MAGI2: variants seen among roughly 807,000 people sequenced by gnomAD.
The protein encoded by MAGI2 is membrane-associated guanylate kinase, WW and PDZ domain-containing protein 2.
Under a neutral mutation model 133.3 loss-of-function variants are expected in MAGI2, and 35 were observed. The ratio of observed to expected loss-of-function variants is 0.26; its 90% confidence interval spans 0.20 to 0.35. The LOEUF (loss-of-function observed/expected upper bound fraction) is 0.35, where lower values mean the gene tolerates loss of function less well. Among genes scored for constraint, MAGI2 ranks in the 10% least tolerant of loss-of-function variants. The pLI, the probability that MAGI2 is intolerant of heterozygous loss-of-function variation, is 1.00. For synonymous variants in MAGI2, 729 were observed against 710.6 expected (o/e 1.03, Z -0.41); for missense variants, 1,636 against 1,863.4 (o/e 0.88, Z 2.25).
chr7:78,412,082 C>T (rs192600704), intron 6 of MAGI2, among the ~76,000 whole-genome samples: 34 of 152,042 alleles, frequency 2.2e-4, no homozygotes, highest in African/African-American at 9.6e-5. Context: ...ATATGTTTAT[C>T]GCTTTCAAGT....
intron 20 of MAGI2, among the ~76,000 whole-genome samples, chr7:78,085,202 C>T (rs1260250385): frequency 6.6e-6 from 1 of 152,088 alleles, no homozygotes; most frequent in Non-Finnish European, 1.5e-5. Flanking sequence ...GTCTGAGACT[C>T]TCTTTATGCT....
intron 3 of MAGI2, among the ~76,000 whole-genome samples, chr7:78,553,104 A>AAC (rs1554471561): frequency 6.6e-6 from 1 of 151,600 alleles, no homozygotes; most frequent in African/African-American, 2.4e-5. Flanking sequence ...TAAAAAAAAA[A>AAC]AAAACAAACA....
intron 1 of MAGI2, among the ~76,000 whole-genome samples, chr7:79,039,462 G>A (rs1199726407): frequency 6.6e-6 from 1 of 151,818 alleles, no homozygotes; most frequent in Non-Finnish European, 1.5e-5. Context: ...TCTTCTGGAA[G>A]TGTTATTGCT....
intron 6 of MAGI2, chr7:78,456,931 A>G (rs1482630681): frequency 6.6e-6 from 1 of 152,230 alleles, no homozygotes; most frequent in East Asian, 1.9e-4. Context: ...TACAGGGAAC[A>G]TCAACCAATG....
chr7:78,605,184 T>C (rs1440090480), intron 3 of MAGI2, among the ~76,000 whole-genome samples: 1 of 152,110 alleles, frequency 6.6e-6, no homozygotes, highest in East Asian at 1.9e-4. Context: ...TGACAAGAAA[T>C]GTGCATTTTA....
chr7:79,137,084 CTG>C (rs765662308), intron 1 of MAGI2, among the ~76,000 whole-genome samples: 1 of 152,010 alleles, frequency 6.6e-6, no homozygotes, highest in African/African-American at 2.4e-5. Flanking sequence ...CAGGTTCAAA[CTG>C]AGGCTAAACT....
chr7:78,995,321 T>G (rs561775666), intron 2 of MAGI2, among the ~76,000 whole-genome samples: 2 of 152,282 alleles, frequency 1.3e-5, no homozygotes, highest in African/African-American at 2.4e-5. Context: ...TTTGTATATT[T>G]AATCTTTCTT....
intron 3 of MAGI2, among the ~76,000 whole-genome samples, chr7:78,529,534 C>T (rs1797258067): frequency 6.6e-6 from 1 of 152,108 alleles, no homozygotes; most frequent in Non-Finnish European, 1.5e-5. Flanking sequence ...GAGTATATCC[C>T]ATTTAAAGAA....
At position 79,431,946 on chromosome 7, in the gene MAGI2, CCTCT is replaced by C. The variant is rs570146748; in HGVS notation, c.301+21070_301+21073del. On this transcript the variant is annotated intron_variant, in intron 1 of 21. Transcript: ENST00000354212. ...TGTGTGACCTTGGGCAAGTAATGAACCTCTCTCTCCATAAGCTTCCTCATGTTTA... is the reference window on the plus strand; with the variant it reads ...TGTGTGACCTTGGGCAAGTAATGAACCTCTCCATAAGCTTCCTCATGTTTA... 2.0e-5 allele frequency among the ~76,000 whole-genome samples: 3 copies of C among 152,260 alleles called. No individual in the cohort carries two copies. The East Asian group carries it at 5.8e-4, about 29-fold the overall frequency.
chr7:78,497,035 A>G (rs1194708053), intron 5 of MAGI2, among the ~76,000 whole-genome samples: 1 of 152,190 alleles, frequency 6.6e-6, no homozygotes, highest in Non-Finnish European at 1.5e-5. Flanking sequence ...CAGATGAACT[A>G]TTGTTGTTAA....
At chr7:78,597,675 T>C (rs1292606642) in intron 3 of MAGI2, among the ~76,000 whole-genome samples, 1 of 152,184 alleles carries the variant, frequency 6.6e-6, no homozygotes, top group African/African-American at 2.4e-5. Context: ...TACCTAACCA[T>C]GAATGCGACT....
intron 3 of MAGI2, among the ~76,000 whole-genome samples, chr7:78,555,336 A>G (rs1799729347): frequency 6.6e-6 from 1 of 152,058 alleles, no homozygotes; most frequent in Non-Finnish European, 1.5e-5. Flanking sequence ...GGGTGGAGGA[A>G]TATCTTTCAT....
At chr7:78,926,598 A>G (rs1166957878) in intron 2 of MAGI2, among the ~76,000 whole-genome samples, 1 of 152,046 alleles carries the variant, frequency 6.6e-6, no homozygotes, top group Non-Finnish European at 1.5e-5. Flanking sequence ...AACCTCGTTA[A>G]ATAAAGTTTG....
intron 6 of MAGI2, among the ~76,000 whole-genome samples, chr7:78,407,173 T>G (rs1283372136): frequency 6.6e-6 from 1 of 152,096 alleles, no homozygotes; most frequent in Non-Finnish European, 1.5e-5. Flanking sequence ...AATTCTTTGC[T>G]TATGAGAAAG....
chr7:78,174,519 G>C (rs1185382345), intron 14 of MAGI2, among the ~76,000 whole-genome samples: 4 of 152,182 alleles, frequency 2.6e-5, no homozygotes, highest in South Asian at 2.1e-4. Context: ...TCATTCATTT[G>C]ATATCTTTTA....
intron 2 of MAGI2, among the ~76,000 whole-genome samples, chr7:78,693,385 T>A (rs1406507081): frequency 6.6e-6 from 1 of 152,164 alleles, no homozygotes; most frequent in Non-Finnish European, 1.5e-5. Flanking sequence ...ACTTACAGTA[T>A]GCTTGTATAA....
Position 79,453,366 on chromosome 7 carries a change from G to T in MAGI2, c.-46C>A, listed in dbSNP as rs1010889865. On this transcript the variant is annotated 5_prime_UTR_variant, in exon 1 of 22. Transcript: ENST00000354212. ...CAGTTCCTGGGCTCCTTGGGGTTAGGGGGGCTGGTGGTGAGAGAATGAGGA... is the reference window on the plus strand; with the variant it reads ...CAGTTCCTGGGCTCCTTGGGGTTAGTGGGGCTGGTGGTGAGAGAATGAGGA... The T allele has an allele frequency of 1.3e-6, 2 of 1,547,764 alleles. No homozygotes were observed. Among genetic ancestry groups the T allele is most frequent in the East Asian group, 4.5e-5 (2 of 44,172 alleles).
At position 78,239,637 on chromosome 7, in the gene MAGI2, CCAA is replaced by C. The variant is rs1790922113; in HGVS notation, c.2047+16303_2047+16305del. On this transcript the variant is annotated intron_variant, in intron 10 of 21. Transcript: ENST00000354212. ...TTATCACAAAAAGATATACAAATGG[CCAA>C]CAAGTATATGGAAATTGCTCAACAT... 3.9e-5 allele frequency among the ~76,000 whole-genome samples: 6 copies of C among 152,120 alleles called. No homozygotes were observed. The South Asian group carries it at 1.2e-3, about 32-fold the overall frequency.
chr7:78,084,338 C>T (rs1816379462), intron 20 of MAGI2, among the ~76,000 whole-genome samples: 1 of 152,218 alleles, frequency 6.6e-6, no homozygotes, highest in Non-Finnish European at 1.5e-5. Context: ...CTAGACCCCT[C>T]ATGGACAGGG....
Sources: gnomAD v4.1 joint callset for allele counts (sites outside exome capture counted in the v4.1 genomes callset) on GRCh38, gnomAD v4.1.1 for gene constraint, MANE v1.5 for transcripts, NCBI Gene and HGNC (gene_info 2026-07-23, HGNC 2026-07-21) for gene names.